Variants in WWOX observed in about 807,000 individuals in gnomAD.
WWOX encodes WW domain containing oxidoreductase.
WWOX carries 69 observed loss-of-function variants against 46.2 expected under a neutral mutation model. The ratio of observed to expected loss-of-function variants is 1.49; its 90% confidence interval spans 1.23 to 1.82. The LOEUF (loss-of-function observed/expected upper bound fraction) is 1.82, where lower values mean the gene tolerates loss of function less well. Among genes scored for constraint, WWOX ranks in the 40% most tolerant of loss-of-function variants. The pLI is 0.00. For synonymous variants in WWOX, 359 were observed against 202.6 expected (o/e 1.77, Z -6.56); for missense variants, 919 against 542.6 (o/e 1.69, Z -6.89).
chr16:78,312,205 C>T (rs186635877), intron 5 of WWOX, among the ~76,000 whole-genome samples: 1 of 152,204 alleles, frequency 6.6e-6, no homozygotes, highest in East Asian at 1.9e-4. Flanking sequence ...ATTCTATCTG[C>T]AACCTTAATT....
chr16:78,511,179 C>T (rs2085351369), intron 8 of WWOX, among the ~76,000 whole-genome samples: 1 of 152,174 alleles, frequency 6.6e-6, no homozygotes, highest in Non-Finnish European at 1.5e-5. Context: ...CGGGAAAAGG[C>T]AGAAGACGGC....
In WWOX at chr16:78,424,933, T is replaced by G. The variant is rs72549408; in HGVS notation, c.669T>G (p.Asp223Glu). The G allele has an allele frequency of 6.2e-7, 1 of 1,614,086 alleles. No homozygotes were observed. Among genetic ancestry groups the G allele is most frequent in the Non-Finnish European group, 8.5e-7 (1 of 1,180,046 alleles). Residue 223 changes from aspartate to glutamate, a missense_variant, in exon 7 of 9, where the codon GAT becomes GAG. Asp to Glu is a conservative substitution (Grantham distance 45). Transcript: ENST00000566780. Reference protein sequence around the residue: ...TFALPWSLTKDGLETTFQVNH... With the variant: ...TFALPWSLTKEGLETTFQVNH... ...CTCTACCCTGGAGTCTCACCAAAGA[T>G]GGCCTGGAGACCACCTTTCAAGTGA...
chr16:78,472,345 C>A (rs1190064144), intron 8 of WWOX, among the ~76,000 whole-genome samples: 1 of 152,078 alleles, frequency 6.6e-6, no homozygotes, highest in Admixed American at 6.5e-5. Flanking sequence ...TTCTGAAAGC[C>A]CTTGTTCATT....
intron 8 of WWOX, among the ~76,000 whole-genome samples, chr16:78,512,933 G>T (rs1449212696): frequency 6.6e-6 from 1 of 152,206 alleles, no homozygotes; most frequent in African/African-American, 2.4e-5. Flanking sequence ...CAGGCAGGAA[G>T]GCCCATTAGT....
intron 5 of WWOX, among the ~76,000 whole-genome samples, chr16:78,381,374 A>G (rs2081954138): frequency 6.6e-6 from 1 of 152,182 alleles, no homozygotes; most frequent in Non-Finnish European, 1.5e-5. Context: ...GTGGCAGTGA[A>G]CTGTGCTACT....
rs553084408 is a variant in WWOX, at chr16:78,120,881, T to C, written c.409+5727T>C. Among the ~76,000 whole-genome samples the C allele has an allele frequency of 2.0e-5, 3 of 152,334 alleles. No individual in the cohort carries two copies. The East Asian group carries it at 5.8e-4, about 29-fold the overall frequency. ...ATTTTAAATCCACACTTCCCAATTA[T>C]GGACTACGCCAGCTTCCTTTACACC... is the stretch of plus-strand genomic sequence containing the variant. On this transcript the variant is annotated intron_variant, in intron 4 of 8. Transcript: ENST00000566780.
At chr16:79,062,631 A>G (rs1003221154) in intron 8 of WWOX, among the ~76,000 whole-genome samples, 11 of 152,174 alleles carry the variant, frequency 7.2e-5, no homozygotes, top group Non-Finnish European at 1.6e-4. Context: ...TTACATTTAA[A>G]AAAAAAAGGC....
intron 8 of WWOX, among the ~76,000 whole-genome samples, chr16:78,620,583 T>C (rs1378119146): frequency 1.3e-5 from 2 of 152,210 alleles, no homozygotes; most frequent in Non-Finnish European, 2.9e-5. Flanking sequence ...TATCTGGGAC[T>C]CTTGTCCCCT....
intron 6 of WWOX, among the ~76,000 whole-genome samples, chr16:78,402,474 G>A (rs1294555839): frequency 1.3e-5 from 2 of 152,160 alleles, no homozygotes; most frequent in Admixed American, 6.5e-5. Flanking sequence ...TAAACATCAT[G>A]GGTGGGGGGT....
chr16:78,426,006 C>G (rs1029964571), intron 7 of WWOX, among the ~76,000 whole-genome samples: 2 of 152,168 alleles, frequency 1.3e-5, no homozygotes, highest in Non-Finnish European at 2.9e-5. Flanking sequence ...TTAGCTTGAA[C>G]CCTTTATCAC....
chr16:78,810,955 C>G (rs547884100), intron 8 of WWOX, among the ~76,000 whole-genome samples: 2 of 136,860 alleles, frequency 1.5e-5, no homozygotes, highest in African/African-American at 5.1e-5. Context: ...CTGGGGATTC[C>G]GTGGCCAGAA....
chr16:78,110,407 G>T (rs1597210981), intron 3 of WWOX, among the ~76,000 whole-genome samples: 1 of 149,358 alleles, frequency 6.7e-6, no homozygotes, highest in East Asian at 2.0e-4. Context: ...CTTTTTCCAT[G>T]TAATATATTA....
intron 8 of WWOX, among the ~76,000 whole-genome samples, chr16:78,801,918 C>G (rs975940442): frequency 6.6e-6 from 1 of 152,110 alleles, no homozygotes; most frequent in Admixed American, 6.5e-5. Flanking sequence ...GTGTAAATCG[C>G]TTAACCTCTT....
rs761689753 is a variant in WWOX, at chr16:78,316,941, T to C, written c.517-69919T>C. On this transcript the variant is annotated intron_variant, in intron 5 of 8. Transcript: ENST00000566780. ...ATTATTCGTTTTTCCAACAAACTTT[T>C]ATTGAACATCTAATAAGACCTGGAC... is the stretch of plus-strand genomic sequence containing the variant. 1.3e-4 allele frequency among the ~76,000 whole-genome samples: 20 copies of C among 152,248 alleles called. 1 individual carries two copies. Among genetic ancestry groups the C allele is most frequent in the Non-Finnish European group, 2.6e-4 (18 of 68,032 alleles).
At chr16:79,175,566 A>T (rs2050783850) in intron 8 of WWOX, among the ~76,000 whole-genome samples, 1 of 152,150 alleles carries the variant, frequency 6.6e-6, no homozygotes, top group South Asian at 2.1e-4. Context: ...TGGGTGAAAG[A>T]ATCCCAGGGA....
At chr16:78,866,820 G>A (rs185293330) in intron 8 of WWOX, among the ~76,000 whole-genome samples, 82 of 152,300 alleles carry the variant, frequency 5.4e-4, no homozygotes, top group Non-Finnish European at 8.7e-4. Context: ...CCAAATTACT[G>A]GCCTTTCCAG....
At chr16:79,019,696 A>C (rs948996961) in intron 8 of WWOX, among the ~76,000 whole-genome samples, 1 of 151,834 alleles carries the variant, frequency 6.6e-6, no homozygotes, top group Non-Finnish European at 1.5e-5. Flanking sequence ...TAAGGGTGTA[A>C]TTGTTGCAGG....
At chr16:79,198,913 G>A (rs936121677) in intron 8 of WWOX, among the ~76,000 whole-genome samples, 2 of 152,166 alleles carry the variant, frequency 1.3e-5, no homozygotes, top group African/African-American at 4.8e-5. Context: ...TGCTTCACTT[G>A]TGCTGTGGAC....
At chr16:79,196,935 A>T (rs2051252506) in intron 8 of WWOX, among the ~76,000 whole-genome samples, 1 of 152,242 alleles carries the variant, frequency 6.6e-6, no homozygotes, top group East Asian at 1.9e-4. Flanking sequence ...CAATTCCTTG[A>T]ACTTCAGTCT....
Sources: gnomAD v4.1 joint callset for allele counts (sites outside exome capture counted in the v4.1 genomes callset) on GRCh38, gnomAD v4.1.1 for gene constraint, MANE v1.5 for transcripts, NCBI Gene and HGNC (gene_info 2026-07-23, HGNC 2026-07-21) for gene names.